HNF4G: variants seen among roughly 807,000 people sequenced by gnomAD.
HNF4G encodes the protein hepatocyte nuclear factor 4-gamma.
Under a neutral mutation model 50.9 loss-of-function variants are expected in HNF4G, and 21 were observed. The ratio of observed to expected loss-of-function variants is 0.41; its 90% CI spans 0.29 to 0.59. The LOEUF (loss-of-function observed/expected upper bound fraction) is 0.59. HNF4G is among the 20% of genes least tolerant of loss of function. HNF4G has a pLI of 0.26. For missense variants in HNF4G, 527 were observed against 559.4 expected (o/e 0.94, Z 0.58); for synonymous variants, 198 against 185.6 (o/e 1.07, Z -0.54).
At position 75,542,637 on chromosome 8, in the gene HNF4G, G is replaced by A. The variant is rs978365941; in HGVS notation, c.119-1174G>A. On this transcript the variant is annotated intron_variant, in intron 1 of 9. Transcript: ENST00000396423. Reference sequence around the variant, plus strand: ...CAGAGATTTCGGGGAGTTTTACGGGGGTTTGACATGCAGGGTTTACAGGCT... The same window carrying A: ...CAGAGATTTCGGGGAGTTTTACGGGAGTTTGACATGCAGGGTTTACAGGCT... Among the ~76,000 whole-genome samples, 4 of 152,178 alleles carry A rather than the reference G, an allele frequency of 2.6e-5. No individual in the cohort carries two copies. The East Asian group carries it at 5.8e-4, about 22-fold the overall frequency.
At chr8:75,488,661 T>C (rs527256816) in intron 1 of HNF4G, among the ~76,000 whole-genome samples, 1 of 152,306 alleles carries the variant, frequency 6.6e-6, no homozygotes, top group Admixed American at 6.5e-5. Flanking sequence ...GGGATTAATA[T>C]AGCAAATTCT....
exon 1 of HNF4G, chr8:75,408,094 C>T (rs558718438): frequency 6.6e-6 from 1 of 152,424 alleles, no homozygotes; most frequent in East Asian, 1.9e-4. Flanking sequence ...ACCCCTAGGC[C>T]AGGCCGTGTT....
chr8:75,466,594 TTC>T, intron 1 of HNF4G, among the ~76,000 whole-genome samples: 1 of 116,288 alleles, frequency 8.6e-6, no homozygotes, highest in Admixed American at 8.7e-5. Flanking sequence ...CCTTCCTTCC[TTC>T]CTTCCTTCCT....
chr8:75,544,016 A>G (rs779259674), intron 2 of HNF4G, 37 bp downstream of exon 2: 25 of 1,519,522 alleles, frequency 1.6e-5, no homozygotes, highest in Non-Finnish European at 2.1e-5. Flanking sequence ...TTATCTTTAC[A>G]GATGTTTCAG....
intron 1 of HNF4G, among the ~76,000 whole-genome samples, chr8:75,540,881 G>GTGTGTGTGTT (rs1450389543): frequency 2.9e-4 from 44 of 151,472 alleles, no homozygotes; most frequent in African/African-American, 1.0e-3. Context: ...GTGTGTGTGT[G>GTGTGTGTGTT]TTTAATGCAA....
chr8:75,497,082 T>C (rs1350622598), intron 2 of HNF4G, among the ~76,000 whole-genome samples: 1 of 152,088 alleles, frequency 6.6e-6, no homozygotes, highest in Non-Finnish European at 1.5e-5. Flanking sequence ...TGGGGGTATA[T>C]AAATGCTGTG....
At chr8:75,411,976 T>C (rs1439971826) in intron 1 of HNF4G, among the ~76,000 whole-genome samples, 1 of 152,248 alleles carries the variant, frequency 6.6e-6, no homozygotes, top group African/African-American at 2.4e-5. Context: ...GCTGTTCTTA[T>C]GGTAGAGTGA....
At chr8:75,481,467 C>T (rs7814178) in intron 1 of HNF4G, among the ~76,000 whole-genome samples, 29,427 of 151,530 alleles carry the variant, frequency 0.19, 3,248 homozygotes, top group African/African-American at 0.31. Flanking sequence ...CTTTCGTTCC[C>T]TGGAATTTTG....
chr8:75,508,474 A>G (rs1456681274), intron 2 of HNF4G, among the ~76,000 whole-genome samples: 5 of 152,118 alleles, frequency 3.3e-5, no homozygotes, highest in Non-Finnish European at 7.4e-5. Flanking sequence ...TAATAACTGT[A>G]TGAAAAATTT....
chr8:75,424,086 G>A (rs1285738629), intron 1 of HNF4G, among the ~76,000 whole-genome samples: 1 of 151,982 alleles, frequency 6.6e-6, no homozygotes, highest in South Asian at 2.1e-4. Context: ...CTCCCAAAGT[G>A]CTGAGATTAC....
At chr8:75,488,876 A>G (rs1812555902) in intron 1 of HNF4G, among the ~76,000 whole-genome samples, 1 of 152,212 alleles carries the variant, frequency 6.6e-6, no homozygotes. Flanking sequence ...AGAAAAGCAG[A>G]AAACACTTCA....
At chr8:75,412,794 G>T (rs2130463989) in intron 1 of HNF4G, among the ~76,000 whole-genome samples, 1 of 151,778 alleles carries the variant, frequency 6.6e-6, no homozygotes, top group African/African-American at 2.4e-5. Flanking sequence ...TATTATTTTA[G>T]CAGGAATTAA....
chr8:75,523,777 C>T (rs958192390), intron 2 of HNF4G, among the ~76,000 whole-genome samples: 1 of 151,538 alleles, frequency 6.6e-6, no homozygotes, highest in African/African-American at 2.4e-5. Context: ...AAAAAGAAAA[C>T]CATGTCATTG....
At chr8:75,485,248 T>C (rs1812473368) in intron 1 of HNF4G, among the ~76,000 whole-genome samples, 1 of 152,176 alleles carries the variant, frequency 6.6e-6, no homozygotes, top group Non-Finnish European at 1.5e-5. Flanking sequence ...TCATTTTCTA[T>C]AAAAAGGAAG....
chr8:75,449,501 A>T lies in HNF4G; in HGVS notation c.-143-40588A>T, dbSNP rs896802890. ...TGCATTATCTCAGTAATATATATAT[A>T]TTTTTTTCTTTTTTTTTTTTTTTGA... On this transcript the variant is annotated intron_variant, in intron 1 of 10. Coordinates refer to the HNF4G transcript ENST00000354370. Among the ~76,000 whole-genome samples the T allele has an allele frequency of 4.6e-3, 514 of 110,732 alleles. 5 individuals carry two copies. The highest frequency in any genetic ancestry group is 0.017 in the African/African-American group (437 of 25,558). 72.6% of individuals were successfully genotyped at this position (110,732 alleles called of 152,430 possible).
At chr8:75,470,779 T>G (rs1812095428) in intron 1 of HNF4G, among the ~76,000 whole-genome samples, 5 of 152,210 alleles carry the variant, frequency 3.3e-5, no homozygotes, top group African/African-American at 1.2e-4. Flanking sequence ...TGTTTTCTAT[T>G]TTTTTGTCCT....
At position 75,566,715 on chromosome 8, in the gene HNF4G, G is replaced by A. The variant is rs1192782271; in HGVS notation, c.*2619G>A. 1 of 151,488 alleles carries A rather than the reference G, an allele frequency of 6.6e-6. No homozygotes were observed. The highest frequency in any genetic ancestry group is 1.5e-5 in the Non-Finnish European group (1 of 67,838). The allele number at this position is 151,488 out of a possible 1,614,324, so 9.4% of individuals were successfully genotyped here. On this transcript the variant is annotated 3_prime_UTR_variant, in exon 10 of 10. Transcript: ENST00000396423. ...ATTATTTTTATAAATTTTATTGTTG[G>A]AAATCAAAAATTAGTAGATTTTTTA...
At chr8:75,551,276 T>G in intron 3 of HNF4G, 112 bp from the exon 4 acceptor site, 1 of 607,388 alleles carries the variant, frequency 1.6e-6, no homozygotes, top group South Asian at 2.2e-5. Context: ...CCAAGGTCTT[T>G]TAGAAAGACT....
intron 1 of HNF4G, among the ~76,000 whole-genome samples, chr8:75,420,024 G>A (rs531629842): frequency 6.6e-6 from 1 of 151,554 alleles, no homozygotes; most frequent in African/African-American, 2.4e-5. Flanking sequence ...ATATTTTTTC[G>A]CTATTATTTT....
Sources: allele counts gnomAD v4.1 joint callset (sites outside exome capture counted in the v4.1 genomes callset), GRCh38; gene constraint gnomAD v4.1.1; transcripts MANE v1.5; gene names NCBI Gene and HGNC (gene_info 2026-07-23, HGNC 2026-07-21).